Variants in GPHN observed in about 807,000 individuals in gnomAD.
GPHN encodes gephyrin.
Under a neutral mutation model 95.5 loss-of-function variants are expected in GPHN, and 17 were observed. That is an observed-to-expected ratio of 0.18 (90% CI 0.12 to 0.27). GPHN has a LOEUF of 0.27. GPHN is among the 10% of genes least tolerant of loss of function. The pLI is 1.00. For synonymous variants in GPHN, 320 were observed against 322.5 expected (o/e 0.99, Z 0.08); for missense variants, 660 against 978.1 (o/e 0.67, Z 4.34).
At chr14:66,990,842 T>G (rs1221271913) in intron 9 of GPHN, among the ~76,000 whole-genome samples, 3 of 151,740 alleles carry the variant, frequency 2.0e-5, no homozygotes, top group African/African-American at 7.2e-5. Context: ...TGCTAATAGT[T>G]TAATTTGCTA....
the GPHN span, among the ~76,000 whole-genome samples, chr14:67,566,593 C>T: frequency 2.0e-5 from 3 of 151,924 alleles, no homozygotes; most frequent in African/African-American, 4.8e-5. Context: ...AAAAAAGATA[C>T]AAAAATTAGC....
chr14:67,729,226 G>A, the GPHN span: 3 of 1,611,734 alleles, frequency 1.9e-6, no homozygotes, highest in Non-Finnish European at 2.5e-6. Flanking sequence ...GCACCCAGGC[G>A]TCGTCCGCTC....
At chr14:67,684,690 C>A in the GPHN span, 1 of 169,384 alleles carries the variant, frequency 5.9e-6, no homozygotes, top group Non-Finnish European at 1.2e-5. Context: ...CTGCGCCTGG[C>A]CTCAAATTCT....
chr14:67,532,537 A>T, the GPHN span, among the ~76,000 whole-genome samples: 7 of 152,052 alleles, frequency 4.6e-5, no homozygotes. Context: ...CACGCTGATG[A>T]CTGCCCTGCA....
the GPHN span, among the ~76,000 whole-genome samples, chr14:67,305,039 T>A: frequency 2.0e-5 from 3 of 152,332 alleles, no homozygotes; most frequent in South Asian, 6.2e-4. Context: ...GTTTACAGTT[T>A]TTTTGCAGGA....
the GPHN span, chr14:67,487,087 C>G: frequency 6.6e-6 from 1 of 152,398 alleles, no homozygotes; most frequent in African/African-American, 2.4e-5. Context: ...GGCTGGGCCT[C>G]AGTGCCATTC....
chr14:67,186,455 C>T (rs2083368936), downstream of GPHN, among the ~76,000 whole-genome samples: 1 of 152,044 alleles, frequency 6.6e-6, no homozygotes, highest in Admixed American at 6.6e-5. Context: ...AGAAAAAAAG[C>T]ACAGAGGAAA....
intron 9 of GPHN, among the ~76,000 whole-genome samples, chr14:67,006,312 A>C (rs2072606221): frequency 6.6e-6 from 1 of 152,104 alleles, no homozygotes; most frequent in Admixed American, 6.5e-5. Flanking sequence ...GCCTCAGGAT[A>C]CCAAAAAAAG....
the GPHN span, among the ~76,000 whole-genome samples, chr14:67,438,847 T>G: frequency 8.3e-6 from 1 of 120,894 alleles, no homozygotes; most frequent in African/African-American, 3.4e-5. Flanking sequence ...GGCAACAGAG[T>G]GAGACTCCGT....
At chr14:67,345,897 TTTAA>T in the GPHN span, 2 of 1,450,898 alleles carry the variant, frequency 1.4e-6, no homozygotes, top group Non-Finnish European at 1.9e-6. Context: ...AGACAACATT[TTTAA>T]TTAGAGTAAA....
At chr14:66,933,039 A>G (rs1234786420) in intron 8 of GPHN, among the ~76,000 whole-genome samples, 1 of 152,214 alleles carries the variant, frequency 6.6e-6, no homozygotes, top group Non-Finnish European at 1.5e-5. Flanking sequence ...TTGATTAACT[A>G]TTTATTAGCT....
At chr14:67,302,394 A>C in the GPHN span, 3 of 1,456,842 alleles carry the variant, frequency 2.1e-6, no homozygotes, top group Non-Finnish European at 2.8e-6. Flanking sequence ...TAAATTATAC[A>C]TATATATATT....
the GPHN span, chr14:67,579,062 G>A: frequency 1.9e-6 from 2 of 1,079,052 alleles, no homozygotes; most frequent in Non-Finnish European, 2.7e-6. Flanking sequence ...GCTGAGTCTA[G>A]ATAGGGATCC....
At chr14:67,226,566 G>A in the GPHN span, among the ~76,000 whole-genome samples, 5 of 152,142 alleles carry the variant, frequency 3.3e-5, no homozygotes, top group African/African-American at 9.7e-5. Context: ...TCACCATGTT[G>A]GCCAGGCTGG....
the GPHN span, among the ~76,000 whole-genome samples, chr14:67,524,689 C>T: frequency 6.6e-6 from 1 of 152,208 alleles, no homozygotes; most frequent in Non-Finnish European, 1.5e-5. Flanking sequence ...CTTGTGTCTG[C>T]TCCTTCAAGC....
intron 1 of GPHN, among the ~76,000 whole-genome samples, chr14:66,543,761 A>G (rs1191516299): frequency 6.6e-6 from 1 of 152,186 alleles, no homozygotes; most frequent in African/African-American, 2.4e-5. Flanking sequence ...CCATGAAAAC[A>G]TATCCCAGAT....
At chr14:67,669,959 G>T in the GPHN span, among the ~76,000 whole-genome samples, 2 of 152,132 alleles carry the variant, frequency 1.3e-5, no homozygotes, top group African/African-American at 4.8e-5. Context: ...GCCAGGCCTG[G>T]TGCCATGCAC....
intron 10 of GPHN, among the ~76,000 whole-genome samples, chr14:67,027,278 T>A (rs558625722): frequency 3.3e-5 from 5 of 152,286 alleles, no homozygotes; most frequent in East Asian, 3.9e-4. Flanking sequence ...AATAAAAAAA[T>A]TTTACAGATG....
chr14:67,230,527 A>G, the GPHN span, among the ~76,000 whole-genome samples: 1 of 152,158 alleles, frequency 6.6e-6, no homozygotes, highest in African/African-American at 2.4e-5. Context: ...ACCCATGATC[A>G]TGCCACTGTA....
Sources: allele counts gnomAD v4.1 joint callset (sites outside exome capture counted in the v4.1 genomes callset), GRCh38; gene constraint gnomAD v4.1.1; transcripts MANE v1.5; gene names NCBI Gene and HGNC (gene_info 2026-07-23, HGNC 2026-07-21).